Variants in KLHDC4 observed in about 807,000 individuals in gnomAD.
The protein encoded by KLHDC4 is kelch domain-containing protein 4.
In KLHDC4, 90 loss-of-function variants were observed where a neutral mutation model predicts 62.4. The observed-to-expected ratio is 1.44, with a 90% CI of 1.22 to 1.72. The LOEUF is 1.72. KLHDC4 is among the 40% of genes most tolerant of loss of function. The pLI, the probability that KLHDC4 is intolerant of heterozygous loss-of-function variation, is 0.00. For synonymous variants in KLHDC4, 386 were observed against 284.4 expected, an observed-to-expected ratio of 1.36 and a Z score of -3.59; for missense variants, 1,025 against 699.7, an observed-to-expected ratio of 1.47 and a Z score of -5.25.
chr16:87,702,114 T>C (rs1474814405), exon 1 of KLHDC4: 1 of 455,866 alleles, frequency 2.2e-6, no homozygotes, highest in East Asian at 7.0e-5. Context: ...GTCCCAGAGC[T>C]TCCCGCATGA....
intron 5 of KLHDC4, chr16:87,740,907 G>C (rs1209056417): frequency 6.6e-6 from 1 of 152,126 alleles, no homozygotes; most frequent in African/African-American, 2.4e-5. Context: ...GTCGCAATGG[G>C]GCAGCTTTGC....
At chr16:87,736,078 G>C (rs1413087737) in intron 5 of KLHDC4, among the ~76,000 whole-genome samples, 1 of 152,224 alleles carries the variant, frequency 6.6e-6, no homozygotes, top group Non-Finnish European at 1.5e-5. Flanking sequence ...ACAGAGACGG[G>C]TTCTGGGAAA....
At chr16:87,716,653 G>A (rs142938744) in intron 7 of KLHDC4, among the ~76,000 whole-genome samples, 4 of 152,288 alleles carry the variant, frequency 2.6e-5, no homozygotes, top group African/African-American at 7.2e-5. Context: ...ACCAGGGGCC[G>A]GGCACGGTGG....
At chr16:87,700,638 C>T (rs1257068662) in exon 1 of KLHDC4, 3 of 146,340 alleles carry the variant, frequency 2.1e-5, no homozygotes, top group Non-Finnish European at 2.5e-5. Flanking sequence ...GGAGGGAGAA[C>T]GCTGGAGGGC....
At chr16:87,755,428 C>T (rs1200791017) in intron 3 of KLHDC4, 136 bp from the exon 4 acceptor site, 1 of 549,116 alleles carries the variant, frequency 1.8e-6, no homozygotes, top group Non-Finnish European at 3.3e-6. Flanking sequence ...ACAGGGAGGC[C>T]ATGGGCTGGG....
At chr16:87,707,756 G>A, downstream of KLHDC4, 1 of 322,104 alleles carries the variant, frequency 3.1e-6, no homozygotes, top group South Asian at 2.5e-5. Flanking sequence ...CGGGGCAGAG[G>A]CCCCGGGAAG....
intron 5 of KLHDC4, among the ~76,000 whole-genome samples, chr16:87,738,671 A>G (rs1158331276): frequency 3.0e-4 from 39 of 129,756 alleles, no homozygotes; most frequent in Non-Finnish European, 3.8e-4. Context: ...TCATCCATCC[A>G]CACACCAGCA....
intron 7 of KLHDC4, among the ~76,000 whole-genome samples, chr16:87,726,136 A>C (rs936850213): frequency 6.6e-6 from 1 of 152,050 alleles, no homozygotes; most frequent in Non-Finnish European, 1.5e-5. Context: ...AATGTTCATG[A>C]AACTGAAGAG....
rs1450772129 is a variant in KLHDC4 at position 87,707,849 on chromosome 16, G to A, written c.*228C>T. 2.4e-6 allele frequency: 1 copy of A among 418,786 alleles called. No individual in the cohort carries two copies. Among genetic ancestry groups the A allele is most frequent in the African/African-American group, 2.0e-5 (1 of 49,106 alleles). The allele number at this position is 418,786 out of a possible 1,614,324, so 25.9% of individuals were successfully genotyped here. A position where few individuals can be genotyped will look rare whatever the true frequency, so the allele number is the denominator to read the frequency against. On this transcript the variant is annotated 3_prime_UTR_variant, in exon 12 of 12. Transcript: ENST00000270583. ...TCCAATTTATTTCACACAACACACA[G>A]GCTGCTGAGGGAATCCACCTGCACT...
At chr16:87,741,595 A>G (rs1369329160) in intron 5 of KLHDC4, among the ~76,000 whole-genome samples, 1 of 151,940 alleles carries the variant, frequency 6.6e-6, no homozygotes, top group Admixed American at 6.6e-5. Flanking sequence ...CTTCCGTGAA[A>G]CCAGTCCCTG....
chr16:87,744,334 G>C (rs1046971697), intron 5 of KLHDC4, among the ~76,000 whole-genome samples: 2 of 151,648 alleles, frequency 1.3e-5, no homozygotes, highest in African/African-American at 2.4e-5. Flanking sequence ...AGAATTGCTT[G>C]AACCTCTGAG....
rs1366567737 is a variant in KLHDC4, at chr16:87,707,991, T to C, written c.*86A>G. 2.1e-6 allele frequency: 1 copy of C among 482,710 alleles called. No homozygotes were observed. The highest frequency in any genetic ancestry group is 1.9e-5 in the African/African-American group (1 of 51,376). The allele number at this position is 482,710 out of a possible 1,614,324, so 29.9% of individuals were successfully genotyped here. On this transcript the variant is annotated 3_prime_UTR_variant, in exon 12 of 12. Coordinates refer to ENST00000270583, the MANE Select transcript of KLHDC4 (RefSeq NM_017566.4). ...CTCTCCTGTGCGTCAGGACGCACGC[T>C]GGCCCCAAGAGCTTCACTCAACACG...
intron 5 of KLHDC4, among the ~76,000 whole-genome samples, chr16:87,731,651 A>G (rs1323424197): frequency 6.6e-6 from 1 of 152,058 alleles, no homozygotes; most frequent in Non-Finnish European, 1.5e-5. Flanking sequence ...AACGTAACAC[A>G]GTGAAACAAC....
In KLHDC4 at chr16:87,756,394, T is replaced by G. The variant is rs764098139; in HGVS notation, c.270+5A>C. 2.5e-6 allele frequency: 4 copies of G among 1,603,756 alleles called. No homozygotes were observed. The highest frequency in any genetic ancestry group is 3.3e-4 in the Middle Eastern group (2 of 6,044). ...GGGAAGAAAAGAAAAAAATATATAC[T>G]TTACTTTTTGGCCGTTGAAATATTC... On this transcript the variant is annotated splice_donor_5th_base_variant and intron_variant, in intron 3 of 11. Coordinates refer to ENST00000270583, the MANE Select transcript of KLHDC4 (RefSeq NM_017566.4).
chr16:87,726,861 C>T lies in KLHDC4; in HGVS notation c.663G>A (p.Leu221=). 1 of 1,613,542 alleles carries T rather than the reference C, an allele frequency of 6.2e-7. No individual in the cohort carries two copies. Among genetic ancestry groups the T allele is most frequent in the Non-Finnish European group, 8.5e-7 (1 of 1,179,818 alleles). Residue 221 remains leucine (L), a synonymous_variant, in exon 7 of 12, where the codon CTG becomes CTA. Transcript: ENST00000270583. The part of the protein sequence containing the change: ...FNLDTFTWSK[L]SPSGTGPTPR... ...GTGTGGGCCCCGTCCCTGACGGGGA[C>T]AGCTTGCTCCATGTGAAGGTGTCCA...
chr16:87,729,334 C>G (rs1450485596), intron 6 of KLHDC4: 1 of 152,124 alleles, frequency 6.6e-6, no homozygotes, highest in Non-Finnish European at 1.5e-5. Flanking sequence ...GTGAGTGGCA[C>G]CTTCACATCA....
chr16:87,713,979 T>G (rs182591670), intron 8 of KLHDC4, among the ~76,000 whole-genome samples: 2 of 152,098 alleles, frequency 1.3e-5, no homozygotes, highest in African/African-American at 2.4e-5. Context: ...TGAGGGCCAA[T>G]AGCAGTCTCG....
chr16:87,721,746 G>A (rs867490795), intron 7 of KLHDC4, among the ~76,000 whole-genome samples: 8 of 152,354 alleles, frequency 5.3e-5, no homozygotes, highest in Middle Eastern at 6.8e-3. Flanking sequence ...CCACGGCCTC[G>A]CGGTAACAGT....
At chr16:87,711,950 TCCGCC>T (rs2035956611) in intron 8 of KLHDC4, among the ~76,000 whole-genome samples, 3 of 149,052 alleles carry the variant, frequency 2.0e-5, no homozygotes, top group African/African-American at 7.6e-5. Context: ...ACGGGGACCC[TCCGCC>T]CTGCAAGGGG....
Sources: gnomAD v4.1 joint callset for allele counts (sites outside exome capture counted in the v4.1 genomes callset) on GRCh38, gnomAD v4.1.1 for gene constraint, MANE v1.5 for transcripts, NCBI Gene and HGNC (gene_info 2026-07-23, HGNC 2026-07-21) for gene names.